Variants in PFKP observed in about 807,000 individuals in gnomAD.
The protein encoded by PFKP is phosphofructokinase, platelet.
PFKP carries 101 observed loss-of-function variants against 94.3 expected under a neutral mutation model. The observed-to-expected ratio is 1.07, with a 90% CI of 0.91 to 1.26. The LOEUF (loss-of-function observed/expected upper bound fraction) is 1.26. PFKP is among the 50% of genes most tolerant of loss of function. The pLI, the probability that PFKP is intolerant of heterozygous loss-of-function variation, is 0.00. For synonymous variants in PFKP, 573 were observed against 432.6 expected (o/e 1.32, Z -4.03); for missense variants, 1,145 against 1,103.3 (o/e 1.04, Z -0.53).
intron 21 of PFKP, 52 bp from the exon 22 acceptor site, chr10:3,136,398 A>T: frequency 6.3e-7 from 1 of 1,596,288 alleles, no homozygotes. Flanking sequence ...AGGCGGAGGC[A>T]TCTCCCGCCA....
chr10:3,116,603 C>T (rs554392354), intron 13 of PFKP, among the ~76,000 whole-genome samples, 173 bp from the exon 14 acceptor site: 1 of 152,190 alleles, frequency 6.6e-6, no homozygotes, highest in Admixed American at 6.5e-5. Context: ...TAACCTTGGA[C>T]TTCTGCTTCT....
intron 8 of PFKP, 31 bp downstream of exon 8, chr10:3,107,340 G>T: frequency 7.3e-7 from 1 of 1,378,916 alleles, no homozygotes; most frequent in South Asian, 1.2e-5. Flanking sequence ...ACTTTCTCTC[G>T]GTTTCTGCCT....
chr10:3,095,192 C>CT (rs1311533309), intron 2 of PFKP, among the ~76,000 whole-genome samples: 2 of 91,302 alleles, frequency 2.2e-5, no homozygotes, highest in African/African-American at 5.8e-5. Flanking sequence ...TTGTCTGTAA[C>CT]TTTAAAAAAA....
At chr10:3,102,181 G>A (rs1177895986) in intron 4 of PFKP, among the ~76,000 whole-genome samples, 1 of 140,766 alleles carries the variant, frequency 7.1e-6, no homozygotes, top group Non-Finnish European at 1.6e-5. Context: ...AACCCGGGAG[G>A]CGGAGCTTGC....
At chr10:3,110,021 AT>A (rs1370490854) in intron 10 of PFKP, among the ~76,000 whole-genome samples, 2 of 152,086 alleles carry the variant, frequency 1.3e-5, no homozygotes, top group Admixed American at 1.3e-4. Flanking sequence ...CCCCAAGGAC[AT>A]TCAGGTCTGT....
chr10:3,114,238 C>A (rs1258850120), intron 13 of PFKP, among the ~76,000 whole-genome samples: 2 of 152,024 alleles, frequency 1.3e-5, no homozygotes, highest in African/African-American at 4.8e-5. Context: ...CAGCCTCTGC[C>A]TCCTGGGTTC....
intron 21 of PFKP, 148 bp downstream of exon 21, chr10:3,135,986 C>A: frequency 1.6e-6 from 1 of 610,630 alleles, no homozygotes. Flanking sequence ...TAGGTCTTGG[C>A]TGGGCGCGGT....
Position 3,125,410 on chromosome 10 carries a change from T to C in PFKP, c.1684-4409T>C, listed in dbSNP as rs555782124. On this transcript the variant is annotated intron_variant, in intron 16 of 21. Transcript: ENST00000381125. ...CAGAACAGGGTAAAATTTTTTTAGC[T>C]TCTCTGCCTTAGGGAGAGCCTGTCT... 2.6e-5 allele frequency among the ~76,000 whole-genome samples: 4 copies of C among 152,322 alleles called. No individual in the cohort carries two copies. The East Asian group carries it at 7.7e-4, about 29-fold the overall frequency.
rs1229231387 is a variant in PFKP, at chr10:3,113,044, C to T, written c.1155-75C>T. The T allele has an allele frequency of 5.1e-5, 68 of 1,337,318 alleles. 1 individual carries two copies. The highest frequency in any genetic ancestry group is 3.7e-4 in the South Asian group (30 of 80,346). The allele number at this position is 1,337,318 out of a possible 1,614,324, so 82.8% of individuals were successfully genotyped here. ...ACACATTGAGTGCTGGCAGATAAGCCACCTTTTCTCCACATGAGCCCTGAG... is the reference window on the plus strand; with the variant it reads ...ACACATTGAGTGCTGGCAGATAAGCTACCTTTTCTCCACATGAGCCCTGAG... On this transcript the variant is annotated intron_variant, in intron 11 of 21. Coordinates refer to ENST00000381125, the MANE Select transcript of PFKP (RefSeq NM_002627.5).
intron 2 of PFKP, among the ~76,000 whole-genome samples, chr10:3,085,819 C>CACCCCCTCCCCA (rs1287956071): frequency 7.0e-6 from 1 of 143,664 alleles, no homozygotes; most frequent in Non-Finnish European, 1.5e-5. Context: ...CACAGTCCTC[C>CACCCCCTCCCCA]GCCCCCTCCC....
rs768590451 is a variant in PFKP at position 3,107,259 on chromosome 10, G to A, written c.820G>A (p.Gly274Arg). 6.2e-7 allele frequency: 1 copy of A among 1,612,624 alleles called. No individual in the cohort carries two copies. The highest frequency in any genetic ancestry group is 1.1e-5 in the South Asian group (1 of 91,038). The part of the protein sequence containing the change: ...KRLNIIIVAE[G>R]AIDTQNKPIT... ...GCTGAATATTATTATTGTGGCTGAA[G>A]GAGCAATTGATACCCAAAATAAACC... is the stretch of plus-strand genomic sequence containing the variant. Residue 274 changes from glycine (G) to arginine (R), a missense_variant, in exon 8 of 22, where the codon GGA becomes AGA. Physicochemically the swap from Gly to Arg is moderately radical, Grantham distance 125 (BLOSUM62 -2). This residue lies in a region of PFKP where 1,119 missense variants were observed against 1,062.8 expected (regional missense o/e 1.05). Coordinates refer to ENST00000381125, the MANE Select transcript of PFKP (RefSeq NM_002627.5).
chr10:3,106,533 G>C (rs1034898247), intron 7 of PFKP, among the ~76,000 whole-genome samples: 1 of 150,766 alleles, frequency 6.6e-6, no homozygotes, highest in Non-Finnish European at 1.5e-5. Context: ...CGGTGGTGAT[G>C]TGAGCTCCCA....
chr10:3,084,530 G>T (rs1451526299), intron 2 of PFKP, among the ~76,000 whole-genome samples: 7 of 152,100 alleles, frequency 4.6e-5, no homozygotes, highest in African/African-American at 1.4e-4. Flanking sequence ...TTAACGGAGG[G>T]TCTAGCTGTA....
Position 3,109,289 on chromosome 10 carries a change from A to G in PFKP, c.964-66A>G. On this transcript the variant is annotated intron_variant, in intron 9 of 21. Transcript: ENST00000381125. ...TGAGGTCATTGGACGTCATGGAAAG[A>G]TAGGAGGTGACAGGGACAGGGCAGG... 1.9e-6 allele frequency: 3 copies of G among 1,595,342 alleles called. No homozygotes were observed. The Admixed American group carries it at 5.0e-5, about 27-fold the overall frequency.
At chr10:3,072,783 G>A (rs1832297171) in intron 1 of PFKP, among the ~76,000 whole-genome samples, 1 of 151,906 alleles carries the variant, frequency 6.6e-6, no homozygotes, top group African/African-American at 2.4e-5. Context: ...CAATCTGATG[G>A]GCCATCAGAA....
chr10:3,072,050 C>T (rs758817331), intron 1 of PFKP, among the ~76,000 whole-genome samples: 17 of 152,174 alleles, frequency 1.1e-4, no homozygotes, highest in Admixed American at 7.8e-4. Context: ...CCATGCCTGG[C>T]GCTTCGCAGG....
intron 11 of PFKP, 124 bp from the exon 12 acceptor site, chr10:3,112,995 C>G (rs187445966): frequency 7.1e-6 from 6 of 841,252 alleles, no homozygotes; most frequent in Admixed American, 6.5e-5. Flanking sequence ...GGGGCCTCCT[C>G]CTTCTGCCCA....
chr10:3,086,077 G>GT (rs113091913), intron 2 of PFKP, among the ~76,000 whole-genome samples: 1 of 152,158 alleles, frequency 6.6e-6, no homozygotes, highest in African/African-American at 2.4e-5. Flanking sequence ...CAGAAATGTG[G>GT]TTTTAAAAGC....
At chr10:3,125,351 C>T (rs1001322276) in intron 16 of PFKP, 2 of 900,856 alleles carry the variant, frequency 2.2e-6, no homozygotes, top group South Asian at 2.0e-5. Context: ...CTTCTTTTCT[C>T]CCCTTTGTTA....
Sources: allele counts gnomAD v4.1 joint callset (sites outside exome capture counted in the v4.1 genomes callset), GRCh38; gene constraint gnomAD v4.1.1; regional missense constraint gnomAD v4.1.1; transcripts MANE v1.5; gene names NCBI Gene and HGNC (gene_info 2026-07-23, HGNC 2026-07-21).